Variants in BCAT1 observed in about 807,000 individuals in gnomAD.
BCAT1 encodes branched-chain-amino-acid aminotransferase, cytosolic.
Under a neutral mutation model 52.4 loss-of-function variants are expected in BCAT1, and 48 were observed. That is an observed-to-expected ratio of 0.92 (90% CI 0.73 to 1.16). BCAT1 has a LOEUF of 1.16. Ranked by LOEUF, BCAT1 falls within the 50% of genes most tolerant of loss-of-function variation. The pLI, the probability that BCAT1 is intolerant of heterozygous loss-of-function variation, is 0.00. For missense variants in BCAT1, 451 were observed against 457.1 expected (o/e 0.99, Z 0.12); for synonymous variants, 167 against 161.3 (o/e 1.04, Z -0.27).
intron 3 of BCAT1, among the ~76,000 whole-genome samples, chr12:24,883,242 C>T (rs1371708866): frequency 1.3e-5 from 2 of 152,112 alleles, no homozygotes; most frequent in South Asian, 2.1e-4. Context: ...ACCAAGATCA[C>T]GCTGCTGCAC....
Position 24,881,298 on chromosome 12 carries a change from T to C in BCAT1, c.390+3A>G. 1 of 1,596,390 alleles carries C rather than the reference T, an allele frequency of 6.3e-7. No homozygotes were observed. On this transcript the variant is annotated splice_donor_region_variant and intron_variant, in intron 4 of 10. Coordinates refer to ENST00000261192, the MANE Select transcript of BCAT1 (RefSeq NM_005504.7). ...CACAAAAGAAACTCCTACACTTACA[T>C]ACCGGCAGAGTTGCCCTCACAGCAG...
intron 1 of BCAT1, among the ~76,000 whole-genome samples, chr12:24,915,968 G>A (rs552450069): frequency 6.0e-4 from 91 of 151,684 alleles, no homozygotes; most frequent in Middle Eastern, 3.4e-3. Context: ...GACCACCCTG[G>A]GCAACATGGT....
chr12:24,882,598 T>A (rs914785502), intron 3 of BCAT1, among the ~76,000 whole-genome samples: 1 of 96,244 alleles, frequency 1.0e-5, no homozygotes, highest in African/African-American at 3.6e-5. Context: ...TTATTATTTA[T>A]TTTTTTTTTT....
At chr12:24,835,550 AT>A (rs1230090069) in intron 8 of BCAT1, among the ~76,000 whole-genome samples, 3 of 141,228 alleles carry the variant, frequency 2.1e-5, no homozygotes, top group Non-Finnish European at 4.5e-5. Context: ...TTTAAATTTT[AT>A]TTTATTTATT....
Position 24,881,425 on chromosome 12 carries a change from A to T in BCAT1, c.280-14T>A, listed in dbSNP as rs1444505241. ...TCCTTCAAATAACTGGAGATCAAAGAGAAAAAATCTTAGAGGGTAACCAAA... is the reference window on the plus strand; with the variant it reads ...TCCTTCAAATAACTGGAGATCAAAGTGAAAAAATCTTAGAGGGTAACCAAA... On this transcript the variant is annotated splice_polypyrimidine_tract_variant and intron_variant, in intron 3 of 10. Transcript: ENST00000261192. 6.4e-7 allele frequency: 1 copy of T among 1,559,646 alleles called. No homozygotes were observed. Among genetic ancestry groups the T allele is most frequent in the East Asian group, 2.2e-5 (1 of 44,584 alleles).
intron 3 of BCAT1, among the ~76,000 whole-genome samples, chr12:24,881,966 A>G (rs1283730310): frequency 2.0e-5 from 3 of 152,214 alleles, no homozygotes; most frequent in Admixed American, 6.5e-5. Context: ...TGTCCTGAAC[A>G]AACCACTGAT....
chr12:24,891,964 A>G (rs533377577), intron 3 of BCAT1, among the ~76,000 whole-genome samples: 235 of 149,208 alleles, frequency 1.6e-3, no homozygotes, highest in Non-Finnish European at 2.6e-3. Flanking sequence ...TCACCATGTT[A>G]GCCAGGATGG....
chr12:24,947,992 C>G (rs1943959365), intron 1 of BCAT1, among the ~76,000 whole-genome samples: 3 of 152,204 alleles, frequency 2.0e-5, no homozygotes, highest in South Asian at 4.1e-4. Flanking sequence ...CATATTATTT[C>G]TTCTAAGTGA....
At chr12:24,843,463 C>G (rs778139494) in intron 6 of BCAT1, among the ~76,000 whole-genome samples, 30 of 151,964 alleles carry the variant, frequency 2.0e-4, no homozygotes, top group Non-Finnish European at 4.0e-4. Flanking sequence ...ATTAGCTGGG[C>G]GTGGTGGCGG....
At chr12:24,892,829 G>T (rs1942879919) in intron 3 of BCAT1, among the ~76,000 whole-genome samples, 1 of 151,806 alleles carries the variant, frequency 6.6e-6, no homozygotes, top group Non-Finnish European at 1.5e-5. Flanking sequence ...CTCCAGCCTG[G>T]GTGACAGAGC....
At chr12:24,835,348 G>A (rs1010738073) in intron 8 of BCAT1, among the ~76,000 whole-genome samples, 10 of 152,100 alleles carry the variant, frequency 6.6e-5, no homozygotes, top group East Asian at 1.9e-4. Flanking sequence ...CCTAGATAAC[G>A]TGTGTGTTTC....
At chr12:24,847,582 C>T (rs1436927045) in intron 6 of BCAT1, among the ~76,000 whole-genome samples, 1 of 152,020 alleles carries the variant, frequency 6.6e-6, no homozygotes, top group Non-Finnish European at 1.5e-5. Flanking sequence ...TGTGTGTGTG[C>T]ACGTGTGCAT....
At chr12:24,835,868 G>A (rs1204613209) in intron 8 of BCAT1, among the ~76,000 whole-genome samples, 1 of 152,052 alleles carries the variant, frequency 6.6e-6, no homozygotes, top group African/African-American at 2.4e-5. Flanking sequence ...TAGAATTATA[G>A]GCATGAACCA....
At chr12:24,917,343 T>C (rs1198293371) in intron 1 of BCAT1, among the ~76,000 whole-genome samples, 2 of 152,162 alleles carry the variant, frequency 1.3e-5, no homozygotes, top group African/African-American at 2.4e-5. Flanking sequence ...CACGCCCGGC[T>C]AATTTTGTTT....
In BCAT1 at chr12:24,810,297, AAAATAAATTATCACAATAT is replaced by A. The variant is rs1939640439; in HGVS notation, c.*7692_*7710del. 6.6e-6 allele frequency: 1 copy of A among 152,222 alleles called. No individual in the cohort carries two copies. Among genetic ancestry groups the A allele is most frequent in the Non-Finnish European group, 1.5e-5 (1 of 68,040 alleles). The allele number at this position is 152,222 out of a possible 1,614,324, so 9.4% of individuals were successfully genotyped here. ...AGGCTATGATAGCATATTTCACTTA[AAAATAAATTATCACAATAT>A]AAGGCACATATGTATATGGAATCAG... is the stretch of plus-strand genomic sequence containing the variant. On this transcript the variant is annotated 3_prime_UTR_variant, in exon 11 of 11. Coordinates refer to ENST00000261192, the MANE Select transcript of BCAT1 (RefSeq NM_005504.7).
chr12:24,918,910 C>T (rs758899634), intron 1 of BCAT1, among the ~76,000 whole-genome samples: 28 of 152,168 alleles, frequency 1.8e-4, no homozygotes, highest in Non-Finnish European at 3.2e-4. Context: ...TATTACCCTG[C>T]TTGTTTATGT....
At chr12:24,900,659 G>A (rs1219352405) in intron 2 of BCAT1, among the ~76,000 whole-genome samples, 1 of 152,172 alleles carries the variant, frequency 6.6e-6, no homozygotes, top group Non-Finnish European at 1.5e-5. Context: ...GAATTCTTCA[G>A]GCTAGGCTTG....
rs76576230 is a variant in BCAT1 at position 24,815,555 on chromosome 12, T to G, written c.*2453A>C. ...TATTAATCCACTGCAATTAAACAAATAGTGCACAAGGAAAAAAGATGTGCA... is the reference window on the plus strand; with the variant it reads ...TATTAATCCACTGCAATTAAACAAAGAGTGCACAAGGAAAAAAGATGTGCA... On this transcript the variant is annotated 3_prime_UTR_variant, in exon 11 of 11. Coordinates refer to ENST00000261192, the MANE Select transcript of BCAT1 (RefSeq NM_005504.7). 2.6e-4 allele frequency: 40 copies of G among 152,642 alleles called. No homozygotes were observed. In the East Asian group the frequency reaches 6.9e-3, roughly 27 times the overall value. 9.5% of individuals were successfully genotyped at this position (152,642 alleles called of 1,614,324 possible).
intron 1 of BCAT1, among the ~76,000 whole-genome samples, chr12:24,913,600 C>G (rs569700949): frequency 2.6e-5 from 4 of 152,280 alleles, no homozygotes; most frequent in African/African-American, 9.6e-5. Flanking sequence ...ACTCTATTCC[C>G]CAACAGACAA....
Sources: gnomAD v4.1 joint callset for allele counts (sites outside exome capture counted in the v4.1 genomes callset) on GRCh38, gnomAD v4.1.1 for gene constraint, MANE v1.5 for transcripts, NCBI Gene and HGNC (gene_info 2026-07-23, HGNC 2026-07-21) for gene names.